The following DLG2 variants were observed in gnomAD, a reference collection of about 807,000 sequenced individuals.
DLG2 encodes disks large homolog 2.
A neutral mutation model predicts 132.5 loss-of-function variants in DLG2; 45 were observed. The ratio of observed to expected loss-of-function variants is 0.34; its 90% CI spans 0.27 to 0.44. The LOEUF (loss-of-function observed/expected upper bound fraction) is 0.44. Among genes scored for constraint, DLG2 ranks in the 20% least tolerant of loss-of-function variants. DLG2 has a pLI of 1.00. For missense variants in DLG2, 1,045 were observed against 1,196.9 expected, an observed-to-expected ratio of 0.87 and a Z score of 1.87; for synonymous variants, 424 against 419.6, an observed-to-expected ratio of 1.01 and a Z score of -0.13.
At chr11:83,973,342 A>C (rs2091677156) in intron 12 of DLG2, among the ~76,000 whole-genome samples, 2 of 152,118 alleles carry the variant, frequency 1.3e-5, no homozygotes, top group Non-Finnish European at 2.9e-5. Flanking sequence ...AAAAGAGTGC[A>C]ATAGGAGGTT....
At chr11:85,535,742 C>A (rs1211031621) in intron 3 of DLG2, among the ~76,000 whole-genome samples, 1 of 152,098 alleles carries the variant, frequency 6.6e-6, no homozygotes, top group African/African-American at 2.4e-5. Flanking sequence ...AAATATCCAA[C>A]AATCAACTCA....
At chr11:85,448,581 A>G (rs772433087) in intron 3 of DLG2, among the ~76,000 whole-genome samples, 1 of 152,176 alleles carries the variant, frequency 6.6e-6, no homozygotes, top group South Asian at 2.1e-4. Context: ...ACTTTGTTCT[A>G]TAAAATCAAA....
chr11:85,530,810 T>C (rs1025917933), intron 3 of DLG2, among the ~76,000 whole-genome samples: 5 of 152,250 alleles, frequency 3.3e-5, no homozygotes, highest in African/African-American at 1.2e-4. Flanking sequence ...CTGAGTCTAT[T>C]GGCCTAATGC....
intron 6 of DLG2, among the ~76,000 whole-genome samples, chr11:84,852,616 A>C (rs1484673821): frequency 1.3e-5 from 2 of 151,528 alleles, no homozygotes; most frequent in Non-Finnish European, 3.0e-5. Flanking sequence ...TCTTCACTAG[A>C]ATGCTGAAGT....
intron 18 of DLG2, among the ~76,000 whole-genome samples, chr11:83,710,410 C>T (rs1484997586): frequency 5.9e-5 from 9 of 152,076 alleles, no homozygotes; most frequent in African/African-American, 1.7e-4. Context: ...GATCCACCCC[C>T]GCTCAGCCTC....
chr11:84,848,943 A>G (rs1177951455), intron 6 of DLG2, among the ~76,000 whole-genome samples: 1 of 152,206 alleles, frequency 6.6e-6, no homozygotes, highest in Non-Finnish European at 1.5e-5. Flanking sequence ...TACATAACAG[A>G]GGTAATACAG....
chr11:84,335,767 G>T (rs1425585336), intron 7 of DLG2, among the ~76,000 whole-genome samples: 1 of 152,142 alleles, frequency 6.6e-6, no homozygotes, highest in Non-Finnish European at 1.5e-5. Flanking sequence ...GGATAATGAT[G>T]TTTACCTCTT....
intron 3 of DLG2, among the ~76,000 whole-genome samples, chr11:85,449,186 C>T (rs2092134797): frequency 6.6e-6 from 1 of 151,464 alleles, no homozygotes; most frequent in South Asian, 2.1e-4. Context: ...AATTTTTATG[C>T]TTCCTGAAAC....
rs776786296 is a variant in DLG2 at position 84,098,906 on chromosome 11, A to G, written c.749+17T>C. 1 of 1,610,850 alleles carries G rather than the reference A, an allele frequency of 6.2e-7. No homozygotes were observed. The highest frequency in any genetic ancestry group is 1.7e-5 in the Admixed American group (1 of 59,662). The stretch of plus-strand genomic sequence containing the variant: ...CAGATTTACTTTCAAAATCATTCTA[A>G]TGTTTCAGATCTTTACCTGAGTCTG... On this transcript the variant is annotated intron_variant, in intron 10 of 27. Coordinates refer to ENST00000376104, the MANE Select transcript of DLG2 (RefSeq NM_001142699.3).
intron 6 of DLG2, among the ~76,000 whole-genome samples, chr11:84,998,266 A>C (rs1717090201): frequency 6.6e-6 from 1 of 152,076 alleles, no homozygotes; most frequent in Non-Finnish European, 1.5e-5. Context: ...AGGTGGAGGT[A>C]ATCGGATTAT....
intron 5 of DLG2, among the ~76,000 whole-genome samples, chr11:85,141,212 A>C (rs1201312180): frequency 6.6e-6 from 1 of 151,886 alleles, no homozygotes; most frequent in Non-Finnish European, 1.5e-5. Context: ...CCCTTTCTCC[A>C]CATCCTCACC....
chr11:84,575,969 G>T (rs112098819), intron 6 of DLG2, among the ~76,000 whole-genome samples: 4 of 152,308 alleles, frequency 2.6e-5, no homozygotes, highest in African/African-American at 9.6e-5. Context: ...AGCAAGACAT[G>T]TTCCTTGCCT....
At chr11:84,543,746 G>C (rs1026328184) in intron 6 of DLG2, among the ~76,000 whole-genome samples, 6 of 152,164 alleles carry the variant, frequency 3.9e-5, no homozygotes, top group African/African-American at 1.4e-4. Flanking sequence ...TTTCCAGTTT[G>C]GAGAAGAATG....
intron 17 of DLG2, chr11:83,791,008 G>T (rs760948527): frequency 2.4e-5 from 19 of 785,960 alleles, no homozygotes; most frequent in Admixed American, 4.4e-5. Flanking sequence ...GAGCTTTTCA[G>T]TGAATTGGCT....
chr11:85,474,531 A>C, intron 3 of DLG2, among the ~76,000 whole-genome samples: 1 of 151,986 alleles, frequency 6.6e-6, no homozygotes. Context: ...CTATTTGAGA[A>C]TAAATTCTTT....
At chr11:84,881,664 C>G (rs1400730386) in intron 6 of DLG2, among the ~76,000 whole-genome samples, 1 of 152,076 alleles carries the variant, frequency 6.6e-6, no homozygotes, top group Non-Finnish European at 1.5e-5. Flanking sequence ...AAAAACTTGA[C>G]CAAACATTTC....
Position 84,808,439 on chromosome 11 carries a change from C to T in DLG2, c.358-273708G>A, listed in dbSNP as rs370594132. 5.1e-4 allele frequency among the ~76,000 whole-genome samples: 77 copies of T among 151,630 alleles called. No homozygotes were observed. The South Asian group carries it at 0.014, about 28-fold the overall frequency. On this transcript the variant is annotated intron_variant, in intron 6 of 27. Coordinates refer to ENST00000376104, the MANE Select transcript of DLG2 (RefSeq NM_001142699.3). ...CTAGGAAATAGTAAAATAAAACCAA[C>T]GCGAACAGAAGGAAAGAAATAACAA...
intron 6 of DLG2, among the ~76,000 whole-genome samples, chr11:84,994,270 T>C (rs2057422020): frequency 6.6e-6 from 1 of 152,190 alleles, no homozygotes; most frequent in Non-Finnish European, 1.5e-5. Context: ...TAGCCACTAT[T>C]TTAAATTTTC....
chr11:83,593,377 A>T (rs1244197193), intron 19 of DLG2, among the ~76,000 whole-genome samples: 1 of 151,718 alleles, frequency 6.6e-6, no homozygotes, highest in African/African-American at 2.4e-5. Context: ...CATCATTCTC[A>T]GTAAACTATC....
Sources: allele counts gnomAD v4.1 joint callset (sites outside exome capture counted in the v4.1 genomes callset), GRCh38; gene constraint gnomAD v4.1.1; transcripts MANE v1.5; gene names NCBI Gene and HGNC (gene_info 2026-07-23, HGNC 2026-07-21).